AFG2A: variants seen among roughly 807,000 people sequenced by gnomAD.
AFG2A encodes the protein ATPase family gene 2 protein homolog A.
At chr4:122,934,615 A>G in the AFG2A span, 7 of 1,614,066 alleles carry the variant, frequency 4.3e-6, no homozygotes, top group Admixed American at 5.0e-5. Context: ...TAAAAATTCA[A>G]AAGAGCAAGA....
the AFG2A span, among the ~76,000 whole-genome samples, chr4:122,995,276 A>G: frequency 1.3e-5 from 2 of 152,114 alleles, no homozygotes; most frequent in African/African-American, 4.8e-5. Context: ...TATTAATTCC[A>G]TATTGGTTCT....
the AFG2A span, among the ~76,000 whole-genome samples, chr4:123,084,588 A>ATC: frequency 8.9e-6 from 1 of 112,126 alleles, no homozygotes; most frequent in Non-Finnish European, 2.1e-5. Context: ...TAGTATATAT[A>ATC]TATGTGTGTG....
chr4:122,978,645 A>G, the AFG2A span, among the ~76,000 whole-genome samples: 2 of 152,018 alleles, frequency 1.3e-5, no homozygotes, highest in Non-Finnish European at 2.9e-5. Context: ...GCCATCAATC[A>G]TGTCGTCCAT....
At chr4:123,119,645 C>G in the AFG2A span, among the ~76,000 whole-genome samples, 1 of 152,150 alleles carries the variant, frequency 6.6e-6, no homozygotes, top group Non-Finnish European at 1.5e-5. Context: ...CTGCAACTTA[C>G]AGAGCTTTAG....
the AFG2A span, among the ~76,000 whole-genome samples, chr4:122,932,663 A>G: frequency 6.6e-6 from 1 of 152,060 alleles, no homozygotes; most frequent in Non-Finnish European, 1.5e-5. Flanking sequence ...TTATAAATGT[A>G]TGATATTTAG....
At chr4:122,961,138 A>T in the AFG2A span, among the ~76,000 whole-genome samples, 1 of 152,158 alleles carries the variant, frequency 6.6e-6, no homozygotes, top group Non-Finnish European at 1.5e-5. Context: ...TGGTTTTAAG[A>T]GTTCTTATGA....
At chr4:123,093,897 A>T in the AFG2A span, among the ~76,000 whole-genome samples, 1 of 152,228 alleles carries the variant, frequency 6.6e-6, no homozygotes, top group Non-Finnish European at 1.5e-5. Context: ...TTACAATTAT[A>T]AGGAAGAGAA....
At chr4:123,130,277 A>G in the AFG2A span, among the ~76,000 whole-genome samples, 1 of 152,206 alleles carries the variant, frequency 6.6e-6, no homozygotes, top group Non-Finnish European at 1.5e-5. Flanking sequence ...TCAGCTTCCC[A>G]AAGTACTGAG....
chr4:122,943,352 G>T, the AFG2A span, among the ~76,000 whole-genome samples: 1 of 152,206 alleles, frequency 6.6e-6, no homozygotes, highest in African/African-American at 2.4e-5. Flanking sequence ...AGGATAGTTA[G>T]CTCTTCGTGT....
chr4:122,947,216 TC>T, the AFG2A span: 2 of 1,515,606 alleles, frequency 1.3e-6, no homozygotes, highest in Non-Finnish European at 1.8e-6. Context: ...AAATTTATTT[TC>T]ATTTTATTTT....
the AFG2A span, among the ~76,000 whole-genome samples, chr4:123,227,131 A>G: frequency 1.3e-5 from 2 of 152,046 alleles, no homozygotes; most frequent in Admixed American, 6.6e-5. Flanking sequence ...CTAGCGGTCT[A>G]TCAATTTTGT....
chr4:123,012,412 T>C, the AFG2A span, among the ~76,000 whole-genome samples: 210 of 120,598 alleles, frequency 1.7e-3, no homozygotes, highest in Middle Eastern at 0.015. Flanking sequence ...CCCAGGAAAG[T>C]GGAGAAGGGG....
chr4:123,249,867 ATAGATACC>A, the AFG2A span, among the ~76,000 whole-genome samples: 1 of 152,302 alleles, frequency 6.6e-6, no homozygotes, highest in Non-Finnish European at 1.5e-5. Context: ...AGAGGAAGAA[ATAGATACC>A]TAGAATAAAT....
At chr4:123,143,209 TAC>T in the AFG2A span, among the ~76,000 whole-genome samples, 1 of 151,796 alleles carries the variant, frequency 6.6e-6, no homozygotes, top group Non-Finnish European at 1.5e-5. Context: ...TTATCAAAGA[TAC>T]ACACCCGACT....
At chr4:122,933,136 A>G in the AFG2A span, among the ~76,000 whole-genome samples, 2 of 152,158 alleles carry the variant, frequency 1.3e-5, no homozygotes, top group African/African-American at 4.8e-5. Context: ...TGTACCCTGC[A>G]TTTCTTATTC....
At chr4:122,945,030 G>A in the AFG2A span, among the ~76,000 whole-genome samples, 3 of 152,180 alleles carry the variant, frequency 2.0e-5, no homozygotes, top group African/African-American at 7.2e-5. Context: ...GCCGTGTGAG[G>A]TGTCAGTCTG....
At chr4:122,999,070 G>T in the AFG2A span, among the ~76,000 whole-genome samples, 1 of 150,174 alleles carries the variant, frequency 6.7e-6, no homozygotes, top group Non-Finnish European at 1.5e-5. Context: ...CAGTGATGGT[G>T]AGCATTTTTT....
the AFG2A span, among the ~76,000 whole-genome samples, chr4:122,996,278 A>G: frequency 1.3e-5 from 2 of 152,148 alleles, no homozygotes; most frequent in African/African-American, 4.8e-5. Context: ...ATGGACTCCA[A>G]ATACACATAT....
the AFG2A span, among the ~76,000 whole-genome samples, chr4:122,985,295 A>G: frequency 6.6e-6 from 1 of 151,846 alleles, no homozygotes; most frequent in Non-Finnish European, 1.5e-5. Context: ...ACGCCTGGCT[A>G]ATTTCGTATT....
Sources: gnomAD v4.1 joint callset for allele counts (sites outside exome capture counted in the v4.1 genomes callset) on GRCh38, gnomAD v4.1.1 for gene constraint, MANE v1.5 for transcripts, NCBI Gene and HGNC (gene_info 2026-07-23, HGNC 2026-07-21) for gene names.